Variants in SPOCK3 observed in about 807,000 individuals in gnomAD.
SPOCK3 encodes the protein testican-3.
A neutral mutation model predicts 56.6 loss-of-function variants in SPOCK3; 30 were observed. The ratio of observed to expected loss-of-function variants is 0.53; its 90% CI spans 0.40 to 0.72. The LOEUF (loss-of-function observed/expected upper bound fraction) is 0.72, where lower values mean the gene tolerates loss of function less well. SPOCK3 is among the 30% of genes least tolerant of loss of function. The pLI is 0.00. For synonymous variants in SPOCK3, 196 were observed against 183.3 expected, an observed-to-expected ratio of 1.07 and a Z score of -0.56; for missense variants, 527 against 530.0, an observed-to-expected ratio of 0.99 and a Z score of 0.06.
At chr4:167,099,329 A>G (rs2114756) in intron 2 of SPOCK3, among the ~76,000 whole-genome samples, 9,519 of 152,044 alleles carry the variant, frequency 0.063, 473 homozygotes, top group African/African-American at 0.14. Flanking sequence ...AACAGCATAT[A>G]TAATTCCTGA....
At chr4:166,955,574 TAATTA>T (rs902938217) in intron 4 of SPOCK3, among the ~76,000 whole-genome samples, 1 of 145,132 alleles carries the variant, frequency 6.9e-6, no homozygotes, top group East Asian at 2.0e-4. Context: ...AAATTTAATA[TAATTA>T]AATTATATTA....
At chr4:166,815,554 G>A (rs1287512375) in intron 6 of SPOCK3, among the ~76,000 whole-genome samples, 1 of 152,060 alleles carries the variant, frequency 6.6e-6, no homozygotes, top group African/African-American at 2.4e-5. Context: ...AACTTCAGGA[G>A]GCCAAGGTGG....
intron 3 of SPOCK3, among the ~76,000 whole-genome samples, chr4:167,032,435 A>G (rs1054434001): frequency 2.0e-5 from 3 of 151,978 alleles, no homozygotes; most frequent in Non-Finnish European, 4.4e-5. Context: ...AGAGAATGGC[A>G]CATAGGGCTA....
intron 7 of SPOCK3, among the ~76,000 whole-genome samples, chr4:166,766,537 C>G (rs1220792078): frequency 6.6e-6 from 1 of 152,164 alleles, no homozygotes; most frequent in Non-Finnish European, 1.5e-5. Context: ...AGGGATGAAG[C>G]CAACTTGATC....
At chr4:167,159,704 G>C (rs1486916230) in intron 2 of SPOCK3, among the ~76,000 whole-genome samples, 1 of 152,096 alleles carries the variant, frequency 6.6e-6, no homozygotes, top group Non-Finnish European at 1.5e-5. Flanking sequence ...GATCAACTGG[G>C]CTTCATCCCT....
intron 6 of SPOCK3, among the ~76,000 whole-genome samples, chr4:166,792,609 G>C (rs971324959): frequency 1.3e-5 from 2 of 151,968 alleles, no homozygotes; most frequent in African/African-American, 2.4e-5. Context: ...TTATGCTGGG[G>C]TGATAGGTTA....
rs1048324524 is a variant in SPOCK3 at position 167,190,382 on chromosome 4, T to G, written c.189+43603A>C. Among the ~76,000 whole-genome samples, 8 of 146,332 alleles carry G rather than the reference T, an allele frequency of 5.5e-5. 2 individuals are homozygous for G. Among genetic ancestry groups the G allele is most frequent in the Non-Finnish European group, 1.2e-4 (8 of 66,890 alleles). ...TGATTATTAGTGATGTTGAGCATCT[T>G]TTCACATACCTATTGGACATTCATA... On this transcript the variant is annotated intron_variant, in intron 2 of 10. Transcript: ENST00000357545.
intron 4 of SPOCK3, among the ~76,000 whole-genome samples, chr4:166,957,890 C>G (rs1743671557): frequency 6.6e-6 from 1 of 152,078 alleles, no homozygotes; most frequent in Middle Eastern, 3.2e-3. Context: ...AAGAGATTAG[C>G]TTTACTCAGA....
rs75264800 is a variant in SPOCK3, at chr4:166,856,804, C to CTATCTAGA, written c.589+32318_589+32325dup. Among the ~76,000 whole-genome samples, 862 of 150,260 alleles carry CTATCTAGA rather than the reference C, an allele frequency of 5.7e-3. 7 individuals are homozygous for CTATCTAGA. The highest frequency in any genetic ancestry group is 0.02 in the African/African-American group (799 of 40,494). On this transcript the variant is annotated intron_variant, in intron 6 of 10. Transcript: ENST00000357545. ...ATTATCTATCTATCTATCTATCTAT[C>CTATCTAGA]TATCTAGATATCTAGATATCTAGAT...
At chr4:166,921,057 C>A (rs1460994863) in intron 4 of SPOCK3, among the ~76,000 whole-genome samples, 1 of 152,058 alleles carries the variant, frequency 6.6e-6, no homozygotes, top group Non-Finnish European at 1.5e-5. Context: ...AGGAAAGTTG[C>A]AGAAAGAAGA....
intron 2 of SPOCK3, among the ~76,000 whole-genome samples, chr4:167,105,711 TA>T (rs1251922550): frequency 6.6e-6 from 1 of 151,550 alleles, no homozygotes; most frequent in Non-Finnish European, 1.5e-5. Context: ...TTAAAAAAAT[TA>T]AAAAAAGACC....
At chr4:167,109,399 T>TTATATATAAATA (rs1401329024) in intron 2 of SPOCK3, among the ~76,000 whole-genome samples, 2 of 67,690 alleles carry the variant, frequency 3.0e-5, no homozygotes, top group African/African-American at 5.2e-5. Flanking sequence ...AAATATATAT[T>TTATATATAAATA]TATATATAAA....
chr4:166,936,097 T>A (rs1740371792), intron 4 of SPOCK3, among the ~76,000 whole-genome samples: 1 of 152,128 alleles, frequency 6.6e-6, no homozygotes, highest in Admixed American at 6.5e-5. Context: ...ATTATAAGTT[T>A]TATTTCTTTT....
chr4:167,144,576 A>G (rs912167189), intron 2 of SPOCK3, among the ~76,000 whole-genome samples: 6 of 152,018 alleles, frequency 3.9e-5, no homozygotes, highest in African/African-American at 1.4e-4. Context: ...ATATTAGTGA[A>G]GAGCATCAGA....
intron 6 of SPOCK3, among the ~76,000 whole-genome samples, chr4:166,819,769 G>C (rs999502390): frequency 6.6e-6 from 1 of 151,526 alleles, no homozygotes; most frequent in Non-Finnish European, 1.5e-5. Context: ...TGGAGACAAG[G>C]TCTTACTGTG....
chr4:166,799,588 G>T (rs1742327132), intron 6 of SPOCK3, among the ~76,000 whole-genome samples: 1 of 152,026 alleles, frequency 6.6e-6, no homozygotes, highest in Non-Finnish European at 1.5e-5. Flanking sequence ...TACTTAAAAG[G>T]TTCATCCATG....
intron 2 of SPOCK3, among the ~76,000 whole-genome samples, chr4:167,151,719 G>A (rs1470607111): frequency 6.6e-6 from 1 of 152,136 alleles, no homozygotes; most frequent in East Asian, 1.9e-4. Flanking sequence ...ACAGGCGTGA[G>A]CCACCACGCC....
Position 167,106,640 on chromosome 4 carries a change from A to G in SPOCK3, c.190-44103T>C, listed in dbSNP as rs553589038. On this transcript the variant is annotated intron_variant, in intron 2 of 10. Coordinates refer to ENST00000357545, the MANE Select transcript of SPOCK3 (RefSeq NM_001040159.2). ...TCAAAATTGGTAGAAGAAAAAAATA[A>G]TAAAGATTAAAGCAGAAAAAATGAA... is the stretch of plus-strand genomic sequence containing the variant. Among the ~76,000 whole-genome samples, 4 of 151,846 alleles carry G rather than the reference A, an allele frequency of 2.6e-5. No homozygotes were observed. The South Asian group carries it at 8.3e-4, about 31-fold the overall frequency.
At chr4:167,122,058 C>T (rs1014266884) in intron 2 of SPOCK3, among the ~76,000 whole-genome samples, 39 of 150,680 alleles carry the variant, frequency 2.6e-4, no homozygotes, top group Admixed American at 7.3e-4. Context: ...TTCCTCCATC[C>T]CTCCCTCCCT....
Sources: gnomAD v4.1 joint callset for allele counts (sites outside exome capture counted in the v4.1 genomes callset) on GRCh38, gnomAD v4.1.1 for gene constraint, MANE v1.5 for transcripts, NCBI Gene and HGNC (gene_info 2026-07-23, HGNC 2026-07-21) for gene names.